The following NELL1 variants were observed in gnomAD, a reference collection of about 807,000 sequenced individuals.
NELL1 encodes the protein neural EGFL like 1.
A neutral mutation model predicts 107.4 loss-of-function variants in NELL1; 76 were observed. That is an observed-to-expected ratio of 0.71 (90% CI 0.59 to 0.86). The LOEUF is 0.86. Ranked by LOEUF, NELL1 falls within the 40% of genes least tolerant of loss-of-function variation. The probability of loss-of-function intolerance (pLI) is 0.00; values close to 1 mark genes in which losing one functional copy is unlikely to be tolerated. For synonymous variants in NELL1, 353 were observed against 341.2 expected (o/e 1.03, Z -0.38); for missense variants, 1,024 against 1,005.5 (o/e 1.02, Z -0.25).
chr11:20,720,009 T>C (rs550869662), intron 2 of NELL1, among the ~76,000 whole-genome samples: 1 of 152,340 alleles, frequency 6.6e-6, no homozygotes, highest in South Asian at 2.1e-4. Flanking sequence ...CTTGACTTAA[T>C]CCTTGCCTCA....
intron 15 of NELL1, among the ~76,000 whole-genome samples, chr11:21,492,990 A>G (rs979169221): frequency 6.6e-6 from 1 of 152,152 alleles, no homozygotes; most frequent in Non-Finnish European, 1.5e-5. Context: ...AAAATGCTCA[A>G]TATCACTAAG....
intron 2 of NELL1, among the ~76,000 whole-genome samples, chr11:20,782,461 G>A (rs1409346898): frequency 6.6e-6 from 1 of 152,158 alleles, no homozygotes; most frequent in African/African-American, 2.4e-5. Context: ...AGAAGGCTAA[G>A]GTGGGAAGGT....
chr11:21,337,751 T>G (rs1329568499), intron 14 of NELL1, among the ~76,000 whole-genome samples: 1 of 134,946 alleles, frequency 7.4e-6, no homozygotes, highest in Non-Finnish European at 1.6e-5. Flanking sequence ...TTTCTTTCTT[T>G]CTTTCTTTCT....
At chr11:21,373,220 C>T (rs1851396099) in intron 15 of NELL1, among the ~76,000 whole-genome samples, 1 of 152,064 alleles carries the variant, frequency 6.6e-6, no homozygotes, top group African/African-American at 2.4e-5. Flanking sequence ...AGTTTTCAGT[C>T]AGTTGTGTGC....
intron 2 of NELL1, among the ~76,000 whole-genome samples, chr11:20,687,655 A>G (rs1259196176): frequency 6.6e-6 from 1 of 151,682 alleles, no homozygotes; most frequent in Non-Finnish European, 1.5e-5. Flanking sequence ...GCAGTGGCAC[A>G]GTCTCTGCTC....
At chr11:20,680,431 TA>T (rs146268126) in intron 2 of NELL1, among the ~76,000 whole-genome samples, 5,395 of 152,162 alleles carry the variant, frequency 0.035, 333 homozygotes, top group African/African-American at 0.12. Flanking sequence ...TTAAGTAATC[TA>T]AATCAGATAT....
intron 3 of NELL1, among the ~76,000 whole-genome samples, chr11:20,819,592 A>G (rs1857704450): frequency 6.6e-6 from 1 of 152,202 alleles, no homozygotes; most frequent in Non-Finnish European, 1.5e-5. Flanking sequence ...AAATTGTCTA[A>G]AAGTTTCAGA....
At chr11:21,445,919 T>C (rs1450740953) in intron 15 of NELL1, among the ~76,000 whole-genome samples, 1 of 151,692 alleles carries the variant, frequency 6.6e-6, no homozygotes, top group East Asian at 2.0e-4. Flanking sequence ...TTATTATCTC[T>C]TTGAATAAAC....
In NELL1 at chr11:21,240,995, G is replaced by T. The variant is rs77119293; in HGVS notation, c.1549+11541G>T. Among the ~76,000 whole-genome samples the T allele has an allele frequency of 7.6e-3, 1,153 of 152,080 alleles. 10 individuals are homozygous for T. The highest frequency in any genetic ancestry group is 0.026 in the African/African-American group (1,086 of 41,494). On this transcript the variant is annotated intron_variant, in intron 14 of 19. Transcript: ENST00000357134. Reference sequence around the variant, plus strand: ...GTGCATTTCCAGGTTGCACTTTGCTGAGTTACATAGATGTTTGTTAACCAT... The same window carrying T: ...GTGCATTTCCAGGTTGCACTTTGCTTAGTTACATAGATGTTTGTTAACCAT...
intron 4 of NELL1, among the ~76,000 whole-genome samples, chr11:20,881,818 A>T: frequency 6.6e-6 from 1 of 152,180 alleles, no homozygotes. Flanking sequence ...TCTAAAGACA[A>T]GAAATTGGCC....
At chr11:21,555,947 G>A (rs139904823) in intron 16 of NELL1, among the ~76,000 whole-genome samples, 16 of 152,008 alleles carry the variant, frequency 1.1e-4, no homozygotes, top group South Asian at 2.1e-4. Context: ...GGCTGCCACC[G>A]CTTAGCCTGG....
chr11:20,878,019 G>A (rs962587068), intron 4 of NELL1, among the ~76,000 whole-genome samples: 3 of 152,138 alleles, frequency 2.0e-5, no homozygotes, highest in African/African-American at 7.2e-5. Context: ...CATTTAGACT[G>A]ATTACAACAT....
chr11:21,391,400 C>T (rs1163476916), intron 15 of NELL1, among the ~76,000 whole-genome samples: 1 of 151,666 alleles, frequency 6.6e-6, no homozygotes, highest in African/African-American at 2.4e-5. Flanking sequence ...TCCCTGGTTT[C>T]ATTTCTGGGA....
chr11:20,995,579 A>G (rs1852073172), intron 12 of NELL1, among the ~76,000 whole-genome samples: 1 of 147,068 alleles, frequency 6.8e-6, no homozygotes, highest in Admixed American at 6.7e-5. Flanking sequence ...CTCCATTAAA[A>G]AAAAAAATCA....
At chr11:20,997,014 T>C (rs7943514) in intron 12 of NELL1, among the ~76,000 whole-genome samples, 28,696 of 152,096 alleles carry the variant, frequency 0.19, 3,202 homozygotes, top group African/African-American at 0.3. Context: ...ATCGTCCATT[T>C]TGCTTTTGCA....
At chr11:21,110,115 T>C (rs536492499) in intron 12 of NELL1, among the ~76,000 whole-genome samples, 3 of 152,164 alleles carry the variant, frequency 2.0e-5, no homozygotes, top group African/African-American at 7.2e-5. Flanking sequence ...GGTTACATGA[T>C]GAAGAATAAG....
At chr11:20,795,181 C>T (rs975206035) in intron 3 of NELL1, among the ~76,000 whole-genome samples, 3 of 152,156 alleles carry the variant, frequency 2.0e-5, no homozygotes, top group Admixed American at 6.5e-5. Context: ...TTTCTTTAAA[C>T]GAGGAGTGAA....
intron 12 of NELL1, among the ~76,000 whole-genome samples, chr11:21,050,624 A>T (rs10741864): frequency 6.6e-6 from 1 of 151,950 alleles, no homozygotes; most frequent in South Asian, 2.1e-4. Flanking sequence ...AGTAAGAACT[A>T]CTTCTAAAGA....
chr11:20,700,333 G>A (rs144224184), intron 2 of NELL1, among the ~76,000 whole-genome samples: 8 of 151,804 alleles, frequency 5.3e-5, no homozygotes, highest in Non-Finnish European at 8.8e-5. Context: ...ACAAAAATTA[G>A]CCAGGCATGG....
Sources: allele counts gnomAD v4.1 joint callset (sites outside exome capture counted in the v4.1 genomes callset), GRCh38; gene constraint gnomAD v4.1.1; transcripts MANE v1.5; gene names NCBI Gene and HGNC (gene_info 2026-07-23, HGNC 2026-07-21).